FECH: variants seen among roughly 807,000 people sequenced by gnomAD.
FECH encodes ferrochelatase, also known as ferrochelatase, mitochondrial.
In FECH, 40 loss-of-function variants were observed where a neutral mutation model predicts 56.9. That is an observed-to-expected ratio of 0.70 (90% CI 0.55 to 0.92). The LOEUF is 0.92. Ranked by LOEUF, FECH falls within the 40% of genes least tolerant of loss-of-function variation. The pLI is 0.00. For synonymous variants in FECH, 175 were observed against 198.6 expected (o/e 0.88, Z 1.00); for missense variants, 431 against 529.1 (o/e 0.81, Z 1.82).
At chr18:57,564,648 A>G (rs1261915192) in intron 5 of FECH, among the ~76,000 whole-genome samples, 1 of 152,260 alleles carries the variant, frequency 6.6e-6, no homozygotes, top group Non-Finnish European at 1.5e-5. Context: ...TTTGGTGAGT[A>G]GAATACAGTG....
chr18:57,586,474 G>A (rs2122386248), intron 1 of FECH, 80 bp downstream of exon 1: 3 of 1,430,618 alleles, frequency 2.1e-6, no homozygotes, highest in Non-Finnish European at 2.8e-6. Context: ...GGGCGCGAGG[G>A]CCCGGGCGCC....
At chr18:57,576,249 G>A (rs1467029646) in intron 2 of FECH, among the ~76,000 whole-genome samples, 1 of 152,166 alleles carries the variant, frequency 6.6e-6, no homozygotes, top group Non-Finnish European at 1.5e-5. Flanking sequence ...TAGAGAAAGA[G>A]GGCTTAATCC....
chr18:57,557,686 A>G (rs1321382881), intron 7 of FECH, among the ~76,000 whole-genome samples: 1 of 152,062 alleles, frequency 6.6e-6, no homozygotes, highest in African/African-American at 2.4e-5. Flanking sequence ...GGTCCCAGGT[A>G]CTCAAGAGGC....
rs3848519 is a variant in FECH at position 57,580,104 on chromosome 18, C to T, written c.163G>A (p.Gly55Ser). 783 of 1,613,984 alleles carry T rather than the reference C, an allele frequency of 4.9e-4. 5 individuals are homozygous for T. In the African/African-American group the frequency reaches 9.2e-3, roughly 19 times the overall value. The change falls in exon 2 of 11, where the codon GGT becomes AGT. Residue 55 changes from glycine (G) to serine (S), a missense_variant. Physicochemically the swap from Gly to Ser is moderately conservative, Grantham distance 56 (BLOSUM62 0). Transcript: ENST00000262093. ...TGCGGTTGAACTTGAGGTTTTGCAC[C>T]CTGGGCATGCTGGGCTGTTTCTGTG... ...VTTETAQHAQGAKPQVQPQKR... is the reference protein window; with the variant it reads ...VTTETAQHAQSAKPQVQPQKR...
chr18:57,573,014 C>G lies in FECH; in HGVS notation c.314+232G>C, dbSNP rs1242293119. On this transcript the variant is annotated intron_variant, in intron 3 of 10. Transcript: ENST00000262093. ...GGCTATGTCAAGACAACTGCAATTT[C>G]CAGGGCTCTGGGGAGCAAAGGGCTC... 1.1e-5 allele frequency: 6 copies of G among 554,456 alleles called. No individual in the cohort carries two copies. In the Admixed American group the frequency reaches 1.9e-4, roughly 17 times the overall value. 34.3% of individuals were successfully genotyped at this position (554,456 alleles called of 1,614,324 possible).
intron 2 of FECH, among the ~76,000 whole-genome samples, chr18:57,575,165 C>CA (rs775714444): frequency 1.9e-4 from 29 of 152,126 alleles, no homozygotes; most frequent in Non-Finnish European, 3.2e-4. Flanking sequence ...CGTGTCGTAG[C>CA]ATGAATCAGT....
intron 1 of FECH, among the ~76,000 whole-genome samples, chr18:57,580,902 T>C (rs1473190638): frequency 6.6e-6 from 1 of 152,120 alleles, no homozygotes; most frequent in Non-Finnish European, 1.5e-5. Context: ...TTCAGATCCA[T>C]CCTCCTGAGG....
At chr18:57,555,820 A>G (rs2122255118) in intron 7 of FECH, among the ~76,000 whole-genome samples, 1 of 152,332 alleles carries the variant, frequency 6.6e-6, no homozygotes, top group South Asian at 2.1e-4. Flanking sequence ...TGCTCAATAA[A>G]TATTGGTGAA....
chr18:57,558,349 G>A (rs904531891), intron 7 of FECH, among the ~76,000 whole-genome samples: 1 of 152,198 alleles, frequency 6.6e-6, no homozygotes, highest in Non-Finnish European at 1.5e-5. Flanking sequence ...GAATAGCCTA[G>A]TGTAATATGA....
intron 7 of FECH, among the ~76,000 whole-genome samples, chr18:57,556,898 G>A (rs1002061102): frequency 1.6e-5 from 2 of 125,922 alleles, no homozygotes; most frequent in African/African-American, 6.1e-5. Flanking sequence ...GTGACAGAGT[G>A]AGACCCTGTC....
Position 57,580,101 on chromosome 18 carries a change from C to T in FECH, c.166G>A (p.Ala56Thr). The change falls in exon 2 of 11, where the codon GCA becomes ACA. Residue 56 changes from alanine to threonine, a missense_variant. Coordinates refer to ENST00000262093, the MANE Select transcript of FECH (RefSeq NM_000140.5). ...TTETAQHAQG[A>T]KPQVQPQKRK... Reference sequence around the variant, plus strand: ...TTCTGCGGTTGAACTTGAGGTTTTGCACCCTGGGCATGCTGGGCTGTTTCT... The same window carrying T: ...TTCTGCGGTTGAACTTGAGGTTTTGTACCCTGGGCATGCTGGGCTGTTTCT... 3 of 1,614,112 alleles carry T rather than the reference C, an allele frequency of 1.9e-6. No homozygotes were observed. The highest frequency in any genetic ancestry group is 2.5e-6 in the Non-Finnish European group (3 of 1,180,032).
intron 2 of FECH, among the ~76,000 whole-genome samples, chr18:57,576,079 T>C (rs1397246808): frequency 6.6e-6 from 1 of 152,300 alleles, no homozygotes; most frequent in East Asian, 1.9e-4. Flanking sequence ...AGGACGGCCC[T>C]GTGCAATGCA....
rs908309400 is a variant in FECH at position 57,545,017 on chromosome 18, T to C, written c.*5695A>G. ...ATAAGGAAAAGGTAAAAATACAGAA[T>C]ACTACATGGATTATCAAGGTTAAAT... On this transcript the variant is annotated 3_prime_UTR_variant, in exon 11 of 11. Transcript: ENST00000262093. Among the ~76,000 whole-genome samples, 1 of 152,200 alleles carries C rather than the reference T, an allele frequency of 6.6e-6. No homozygotes were observed. The highest frequency in any genetic ancestry group is 6.5e-5 in the Admixed American group (1 of 15,272).
chr18:57,566,789 G>C (rs1298872325), intron 4 of FECH, among the ~76,000 whole-genome samples: 2 of 152,084 alleles, frequency 1.3e-5, no homozygotes, highest in African/African-American at 2.4e-5. Context: ...TCTAGGATCA[G>C]TACCCCACCC....
Position 57,547,582 on chromosome 18 carries a change from C to A in FECH, c.*3130G>T, listed in dbSNP as rs991125232. 3.3e-5 allele frequency among the ~76,000 whole-genome samples: 5 copies of A among 152,138 alleles called. No individual in the cohort carries two copies. The highest frequency in any genetic ancestry group is 5.9e-5 in the Non-Finnish European group (4 of 68,026). On this transcript the variant is annotated 3_prime_UTR_variant, in exon 11 of 11. Transcript: ENST00000262093. The stretch of plus-strand genomic sequence containing the variant: ...CTAAGGCTTCCTCAGAAAGCCGAAC[C>A]GAGTCAATTAAACCTCTTTCCTTTG...
chr18:57,563,972 G>C (rs2122290029), intron 5 of FECH, among the ~76,000 whole-genome samples: 1 of 152,250 alleles, frequency 6.6e-6, no homozygotes, highest in Middle Eastern at 3.4e-3. Flanking sequence ...TCCAACTCTT[G>C]GGTTCAAGTG....
intron 4 of FECH, among the ~76,000 whole-genome samples, chr18:57,570,032 CGT>C (rs10608112): frequency 0.24 from 29,742 of 121,776 alleles, 3,181 homozygotes; most frequent in East Asian, 0.38. Flanking sequence ...TTGTTGTTGT[CGT>C]GTGTGTGTGT....
chr18:57,584,838 T>A (rs904002252), intron 1 of FECH, among the ~76,000 whole-genome samples: 1 of 145,912 alleles, frequency 6.9e-6, no homozygotes, highest in Non-Finnish European at 1.5e-5. Flanking sequence ...AGACAATATA[T>A]GCTCAGTGAA....
chr18:57,582,084 C>T lies in FECH; in HGVS notation c.68-1885G>A, dbSNP rs111730640. The stretch of plus-strand genomic sequence containing the variant: ...TACTAAGTTTAATTCTGAACTTCAT[C>T]GTGGGATTTAACCAGGTTCCTAATC... On this transcript the variant is annotated intron_variant, in intron 1 of 10. Transcript: ENST00000262093. Among the ~76,000 whole-genome samples the T allele has an allele frequency of 4.1e-3, 628 of 151,996 alleles. 4 individuals are homozygous for T. Among genetic ancestry groups the T allele is most frequent in the Middle Eastern group, 0.017 (5 of 294 alleles).
Sources: allele counts gnomAD v4.1 joint callset (sites outside exome capture counted in the v4.1 genomes callset), GRCh38; gene constraint gnomAD v4.1.1; transcripts MANE v1.5; gene names NCBI Gene and HGNC (gene_info 2026-07-23, HGNC 2026-07-21).